The following RPH3A variants were observed in gnomAD, a reference collection of about 807,000 sequenced individuals.
The protein encoded by RPH3A is rabphilin-3A.
RPH3A carries 48 observed loss-of-function variants against 102.2 expected under a neutral mutation model. That is an observed-to-expected ratio of 0.47 (90% CI 0.37 to 0.60). The LOEUF (loss-of-function observed/expected upper bound fraction) is 0.60, where lower values mean the gene tolerates loss of function less well. Ranked by LOEUF, RPH3A falls within the 20% of genes least tolerant of loss-of-function variation. RPH3A has a pLI of 0.00. For missense variants in RPH3A, 781 were observed against 910.1 expected (o/e 0.86, Z 1.83); for synonymous variants, 310 against 324.3 (o/e 0.96, Z 0.47).
intron 1 of RPH3A, among the ~76,000 whole-genome samples, chr12:112,665,805 A>T (rs1319319194): frequency 6.6e-6 from 1 of 152,162 alleles, no homozygotes; most frequent in Non-Finnish European, 1.5e-5. Flanking sequence ...TAGGAATATC[A>T]GTTGTGAATT....
rs2042679492 is a variant in RPH3A, at chr12:112,869,953, C to T, written c.710C>T (p.Ser237Phe). ...GNYGPPVRRASEARMSSSSRD... is the reference protein window; with the variant it reads ...GNYGPPVRRAFEARMSSSSRD... ...TATGGGCCTCCCGTGCGCAGGGCCT[C>T]CGAGGCACGAATGAGCTCATCTAGC... The change falls in exon 10 of 22, where the codon TCC (serine) becomes TTC (phenylalanine). Residue 237 changes from serine to phenylalanine, a missense_variant. Physicochemically the swap from Ser to Phe is radical, Grantham distance 155. Coordinates refer to ENST00000389385, the MANE Select transcript of RPH3A (RefSeq NM_001143854.2). 1 of 1,614,164 alleles carries T rather than the reference C, an allele frequency of 6.2e-7. No homozygotes were observed. Among genetic ancestry groups the T allele is most frequent in the Non-Finnish European group, 8.5e-7 (1 of 1,180,028 alleles).
intron 1 of RPH3A, among the ~76,000 whole-genome samples, chr12:112,609,580 C>G (rs1214898642): frequency 6.6e-6 from 1 of 152,206 alleles, no homozygotes; most frequent in Non-Finnish European, 1.5e-5. Flanking sequence ...TCTTGGTGCT[C>G]TCACATCTCT....
intron 1 of RPH3A, among the ~76,000 whole-genome samples, chr12:112,730,765 G>A (rs2040627237): frequency 6.6e-6 from 1 of 152,180 alleles, no homozygotes; most frequent in African/African-American, 2.4e-5. Context: ...GTCATTGGAA[G>A]CAGGCTCTGG....
At chr12:112,757,808 A>G (rs1485196085) in intron 1 of RPH3A, among the ~76,000 whole-genome samples, 8 of 152,144 alleles carry the variant, frequency 5.3e-5, no homozygotes, top group African/African-American at 1.9e-4. Context: ...TTAACATCCT[A>G]CTGGGAACAT....
chr12:112,805,324 T>A (rs1408201753), intron 2 of RPH3A, among the ~76,000 whole-genome samples: 1 of 152,164 alleles, frequency 6.6e-6, no homozygotes, highest in Non-Finnish European at 1.5e-5. Flanking sequence ...TCTGGGATTT[T>A]TTTTTTAATG....
At chr12:112,837,867 C>T in intron 4 of RPH3A, 1 of 451,314 alleles carries the variant, frequency 2.2e-6, no homozygotes, top group Admixed American at 2.4e-5. Context: ...CCCCTCCTTC[C>T]CTCCCTCCTT....
intron 1 of RPH3A, among the ~76,000 whole-genome samples, chr12:112,738,496 G>A (rs1325672464): frequency 6.6e-6 from 1 of 152,034 alleles, no homozygotes; most frequent in Non-Finnish European, 1.5e-5. Flanking sequence ...ATTTTGCAGG[G>A]GGTACTACTT....
intron 1 of RPH3A, among the ~76,000 whole-genome samples, chr12:112,671,360 C>T (rs1285927410): frequency 6.6e-6 from 1 of 152,160 alleles, no homozygotes; most frequent in African/African-American, 2.4e-5. Flanking sequence ...ATCCTCAGCT[C>T]GTGGCTATCA....
intron 1 of RPH3A, among the ~76,000 whole-genome samples, chr12:112,738,585 T>C (rs1259071219): frequency 1.3e-5 from 2 of 152,260 alleles, no homozygotes; most frequent in African/African-American, 4.8e-5. Context: ...CCATCACCAC[T>C]GCATGGGTGT....
At chr12:112,824,353 T>C (rs1171214332) in intron 2 of RPH3A, among the ~76,000 whole-genome samples, 1 of 152,164 alleles carries the variant, frequency 6.6e-6, no homozygotes, top group East Asian at 1.9e-4. Flanking sequence ...GGCGATTCTC[T>C]GGAAAATGGT....
upstream of RPH3A, among the ~76,000 whole-genome samples, chr12:112,786,812 C>T (rs2041054984): frequency 6.6e-6 from 1 of 152,184 alleles, no homozygotes; most frequent in South Asian, 2.1e-4. Context: ...GCTGCTGTAA[C>T]AAATAACCAC....
At chr12:112,893,449 G>A (rs564809752) in intron 19 of RPH3A, 1 of 152,312 alleles carries the variant, frequency 6.6e-6, no homozygotes, top group East Asian at 1.9e-4. Context: ...GAATCCAAAT[G>A]TCCCAGCCCT....
intron 1 of RPH3A, among the ~76,000 whole-genome samples, chr12:112,683,522 G>A (rs948394431): frequency 6.6e-6 from 1 of 152,178 alleles, no homozygotes; most frequent in African/African-American, 2.4e-5. Flanking sequence ...TTCCAAGGAG[G>A]AGGAGTGAGG....
intron 1 of RPH3A, among the ~76,000 whole-genome samples, chr12:112,593,121 T>C (rs2039491068): frequency 6.6e-6 from 1 of 152,188 alleles, no homozygotes; most frequent in Admixed American, 6.5e-5. Flanking sequence ...ATTAGTGCCC[T>C]AATAAGAAGA....
intron 1 of RPH3A, among the ~76,000 whole-genome samples, chr12:112,765,246 TTGTG>T (rs34294777): frequency 0.3 from 41,997 of 141,436 alleles, 6,340 homozygotes; most frequent in East Asian, 0.63. Flanking sequence ...GTCATGGTGA[TTGTG>T]TGTGTGTGTG....
intron 1 of RPH3A, among the ~76,000 whole-genome samples, chr12:112,578,243 A>G (rs1358577943): frequency 6.6e-6 from 1 of 152,184 alleles, no homozygotes; most frequent in Non-Finnish European, 1.5e-5. Flanking sequence ...TTCTCGCAGC[A>G]TGACCCCAGC....
intron 1 of RPH3A, among the ~76,000 whole-genome samples, chr12:112,644,171 G>C (rs1592922687): frequency 1.3e-5 from 2 of 152,152 alleles, no homozygotes; most frequent in Non-Finnish European, 2.9e-5. Flanking sequence ...GGGAGCTGAA[G>C]TATAAGAGAT....
At chr12:112,699,570 CA>C (rs1181596987) in intron 1 of RPH3A, among the ~76,000 whole-genome samples, 1 of 152,154 alleles carries the variant, frequency 6.6e-6, no homozygotes, top group Non-Finnish European at 1.5e-5. Flanking sequence ...GTAGAAAAAG[CA>C]AAACCAACCT....
At chr12:112,663,059 G>GGTGTGTGTGTGTGTGTGT (rs60392620) in intron 1 of RPH3A, among the ~76,000 whole-genome samples, 1,717 of 141,164 alleles carry the variant, frequency 0.012, 48 homozygotes, top group African/African-American at 0.045. Flanking sequence ...CTAAGTGATT[G>GGTGTGTGTGTGTGTGTGT]GTGTGTGTGT....
Sources: allele counts gnomAD v4.1 joint callset (sites outside exome capture counted in the v4.1 genomes callset), GRCh38; gene constraint gnomAD v4.1.1; transcripts MANE v1.5; gene names NCBI Gene and HGNC (gene_info 2026-07-23, HGNC 2026-07-21).